The following CDC73 variants were observed in gnomAD, a reference collection of about 807,000 sequenced individuals.
CDC73 encodes cell division cycle 73, also known as parafibromin.
CDC73 carries 21 observed loss-of-function variants against 83.7 expected under a neutral mutation model. The ratio of observed to expected loss-of-function variants is 0.25; its 90% CI spans 0.18 to 0.36. The LOEUF (loss-of-function observed/expected upper bound fraction) is 0.36, where lower values mean the gene tolerates loss of function less well. CDC73 is among the 10% of genes least tolerant of loss of function. The pLI is 1.00. For missense variants in CDC73, 342 were observed against 653.3 expected (o/e 0.52, Z 5.19); for synonymous variants, 224 against 212.9 (o/e 1.05, Z -0.45).
At position 193,229,814 on chromosome 1, in the gene CDC73, C is replaced by T. The variant is rs1677627739; in HGVS notation, c.1155-3179C>T. On this transcript the variant is annotated intron_variant, in intron 13 of 16. Coordinates refer to ENST00000367435, the MANE Select transcript of CDC73 (RefSeq NM_024529.5). ...GAAAGAAGCCAGGTACAAAATAATA[C>T]ATCTGGTATATGAGTGTGTCTATAT... is the stretch of plus-strand genomic sequence containing the variant. Among the ~76,000 whole-genome samples the T allele has an allele frequency of 2.0e-5, 3 of 152,128 alleles. No individual in the cohort carries two copies. The South Asian group carries it at 6.2e-4, about 32-fold the overall frequency.
chr1:193,150,206 G>C, intron 8 of CDC73, 98 bp from the exon 9 acceptor site: 2 of 850,292 alleles, frequency 2.4e-6, no homozygotes, highest in East Asian at 5.4e-5. Flanking sequence ...AGGAGGTCTT[G>C]GCTGCAGTGA....
At chr1:193,187,495 CCTT>C (rs1355043129) in intron 10 of CDC73, among the ~76,000 whole-genome samples, 1 of 152,130 alleles carries the variant, frequency 6.6e-6, no homozygotes, top group Non-Finnish European at 1.5e-5. Context: ...GGGGCTGGCA[CCTT>C]CTTTTCTTAC....
intron 10 of CDC73, among the ~76,000 whole-genome samples, chr1:193,178,444 A>T (rs1676649971): frequency 6.6e-6 from 1 of 152,180 alleles, no homozygotes; most frequent in African/African-American, 2.4e-5. Flanking sequence ...ATCCTGCAAA[A>T]TAGTCATAAT....
rs1017988008 is a variant in CDC73, at chr1:193,251,844, G to T, written c.*1132G>T. On this transcript the variant is annotated 3_prime_UTR_variant, in exon 17 of 17. Transcript: ENST00000367435. ...TTGCCTTGAACCTTGATTTCACTTT[G>T]TTTTTTTTTTTTCCTTAAAGGCAAC... 6.7e-4 allele frequency: 133 copies of T among 199,442 alleles called. No individual in the cohort carries two copies. The highest frequency in any genetic ancestry group is 1.8e-3 in the African/African-American group (75 of 41,462). 12.4% of individuals were successfully genotyped at this position (199,442 alleles called of 1,614,324 possible).
intron 10 of CDC73, among the ~76,000 whole-genome samples, chr1:193,183,584 G>A (rs966772884): frequency 6.6e-6 from 1 of 150,890 alleles, no homozygotes; most frequent in Non-Finnish European, 1.5e-5. Context: ...TTTCCTTCTT[G>A]TACTTTTAAA....
intron 7 of CDC73, among the ~76,000 whole-genome samples, chr1:193,146,583 A>G (rs369129341): frequency 2.0e-5 from 3 of 152,204 alleles, no homozygotes; most frequent in Admixed American, 6.5e-5. Flanking sequence ...CACTTTTGCA[A>G]TAACAACATT....
intron 10 of CDC73, among the ~76,000 whole-genome samples, chr1:193,196,945 A>C (rs534722302): frequency 6.6e-6 from 1 of 152,026 alleles, no homozygotes; most frequent in African/African-American, 2.4e-5. Flanking sequence ...TTCTTGCCTA[A>C]TTTCTCTGGC....
intron 14 of CDC73, among the ~76,000 whole-genome samples, chr1:193,235,499 C>T (rs1677741433): frequency 1.3e-5 from 2 of 152,074 alleles, no homozygotes; most frequent in Non-Finnish European, 2.9e-5. Flanking sequence ...TTGTTTTGTT[C>T]CCACCGCTTT....
At chr1:193,184,642 C>T (rs1676774855) in intron 10 of CDC73, among the ~76,000 whole-genome samples, 1 of 151,854 alleles carries the variant, frequency 6.6e-6, no homozygotes, top group South Asian at 2.1e-4. Flanking sequence ...AAAACTTACA[C>T]TTTTGTTTTG....
intron 10 of CDC73, among the ~76,000 whole-genome samples, chr1:193,199,434 G>A (rs576042277): frequency 3.9e-4 from 60 of 152,160 alleles, no homozygotes; most frequent in African/African-American, 1.4e-3. Flanking sequence ...AGTTCAGGCC[G>A]GGCACGATGG....
intron 4 of CDC73, 42 bp downstream of exon 4, chr1:193,135,495 A>G (rs753881821): frequency 6.8e-6 from 11 of 1,609,410 alleles, no homozygotes; most frequent in Non-Finnish European, 9.4e-6. Flanking sequence ...TCAGAAGCCC[A>G]TTCCAAAACT....
Position 193,250,502 on chromosome 1 carries a change from A to C in CDC73, c.1560-174A>C, listed in dbSNP as rs1469295869. On this transcript the variant is annotated intron_variant, in intron 16 of 16. Transcript: ENST00000367435. ...CTCTTAGATTATATTACTTAATAAG[A>C]GGAGTGTTATTTCTAGCTTATTCCA... Among the ~76,000 whole-genome samples, 4 of 151,944 alleles carry C rather than the reference A, an allele frequency of 2.6e-5. No homozygotes were observed. In the East Asian group the frequency reaches 7.7e-4, roughly 29 times the overall value.
chr1:193,229,870 A>G (rs547793826), intron 13 of CDC73, among the ~76,000 whole-genome samples: 4 of 152,358 alleles, frequency 2.6e-5, no homozygotes, highest in East Asian at 1.9e-4. Flanking sequence ...ACTAATGGAA[A>G]GCAGAAGAGT....
intron 10 of CDC73, among the ~76,000 whole-genome samples, chr1:193,175,562 C>A (rs1220800448): frequency 1.3e-5 from 2 of 152,146 alleles, no homozygotes; most frequent in Non-Finnish European, 1.5e-5. Context: ...AACAAAAAAA[C>A]CAAACCCAGA....
intron 10 of CDC73, among the ~76,000 whole-genome samples, chr1:193,190,712 A>G (rs1225715955): frequency 1.3e-5 from 2 of 152,224 alleles, no homozygotes; most frequent in Non-Finnish European, 2.9e-5. Flanking sequence ...CATGCAAACT[A>G]TTAACAATGA....
intron 10 of CDC73, among the ~76,000 whole-genome samples, chr1:193,172,493 T>C (rs1676532757): frequency 1.3e-5 from 2 of 152,094 alleles, no homozygotes; most frequent in Non-Finnish European, 2.9e-5. Context: ...TAGAGCCTTT[T>C]ATGTGTTCCT....
chr1:193,175,495 G>A (rs1309498700), intron 10 of CDC73, among the ~76,000 whole-genome samples: 2 of 152,154 alleles, frequency 1.3e-5, no homozygotes, highest in Non-Finnish European at 2.9e-5. Flanking sequence ...CTTCATATCC[G>A]TGGGTTCCAC....
chr1:193,245,014 T>A (rs1320065794), intron 15 of CDC73, among the ~76,000 whole-genome samples: 1 of 152,226 alleles, frequency 6.6e-6, no homozygotes, highest in African/African-American at 2.4e-5. Context: ...TTAGTTTAAC[T>A]TTTTAAATTG....
rs569275904 is a variant in CDC73 at position 193,178,480 on chromosome 1, T to C, written c.973-25315T>C. Among the ~76,000 whole-genome samples the C allele has an allele frequency of 3.3e-5, 5 of 152,274 alleles. No homozygotes were observed. The South Asian group carries it at 1.0e-3, about 32-fold the overall frequency. ...TTGGACAAATAGAACTTGAGTTCTC[T>C]TTCTATGTACACACCTGTGTATGCA... On this transcript the variant is annotated intron_variant, in intron 10 of 16. Coordinates refer to ENST00000367435, the MANE Select transcript of CDC73 (RefSeq NM_024529.5).
Sources: gnomAD v4.1 joint callset for allele counts (sites outside exome capture counted in the v4.1 genomes callset) on GRCh38, gnomAD v4.1.1 for gene constraint, MANE v1.5 for transcripts, NCBI Gene and HGNC (gene_info 2026-07-23, HGNC 2026-07-21) for gene names.